MTO1: variants seen among roughly 807,000 people sequenced by gnomAD.
MTO1 encodes the protein mitochondrial tRNA translation optimization 1.
A neutral mutation model predicts 71.6 loss-of-function variants in MTO1; 46 were observed. The observed-to-expected ratio is 0.64, with a 90% CI of 0.51 to 0.82. The LOEUF (loss-of-function observed/expected upper bound fraction) is 0.82, where lower values mean the gene tolerates loss of function less well. Ranked by LOEUF, MTO1 falls within the 40% of genes least tolerant of loss-of-function variation. The probability of loss-of-function intolerance (pLI) is 0.00; values close to 1 mark genes in which losing one functional copy is unlikely to be tolerated. For missense variants in MTO1, 773 were observed against 867.5 expected (o/e 0.89, Z 1.37); for synonymous variants, 297 against 312.1 (o/e 0.95, Z 0.51).
intron 3 of MTO1, among the ~76,000 whole-genome samples, chr6:73,470,666 A>G (rs1314672496): frequency 6.6e-6 from 1 of 151,918 alleles, no homozygotes; most frequent in African/African-American, 2.4e-5. Flanking sequence ...GCTGGGCATT[A>G]TGGGCATTAT....
intron 10 of MTO1, among the ~76,000 whole-genome samples, chr6:73,496,578 C>G (rs1429930540): frequency 6.6e-6 from 1 of 150,694 alleles, no homozygotes; most frequent in Admixed American, 6.7e-5. Flanking sequence ...TGGTGTGCTG[C>G]ACCCATTAAC....
At chr6:73,493,634 G>A (rs1473982718) in intron 10 of MTO1, among the ~76,000 whole-genome samples, 2 of 151,248 alleles carry the variant, frequency 1.3e-5, no homozygotes. Flanking sequence ...CAGGTGATCC[G>A]CCCGCCTTGG....
Position 73,466,211 on chromosome 6 carries a change from C to A in MTO1, c.220C>A (p.Gln74Lys). 2 of 1,611,164 alleles carry A rather than the reference C, an allele frequency of 1.2e-6. No individual in the cohort carries two copies. Among genetic ancestry groups the A allele is most frequent in the South Asian group, 2.2e-5 (2 of 90,994 alleles). Residue 74 changes from glutamine (Q) to lysine (K), a missense_variant and splice_region_variant, in exon 2 of 12, where the codon CAG becomes AAG. Coordinates refer to ENST00000498286, the MANE Select transcript of MTO1 (RefSeq NM_012123.4). ...TTGTTTATGTCTATTATCTTTAGGTCAGATGTCATGTAATCCTTCCTTTGG... is the reference window on the plus strand; with the variant it reads ...TTGTTTATGTCTATTATCTTTAGGTAAGATGTCATGTAATCCTTCCTTTGG... ...LLTHRVDTIGQMSCNPSFGGI... is the reference protein window; with the variant it reads ...LLTHRVDTIGKMSCNPSFGGI...
intron 11 of MTO1, 148 bp from the exon 12 acceptor site, chr6:73,500,426 A>G (rs1303067668): frequency 1.7e-6 from 1 of 592,582 alleles, no homozygotes; most frequent in East Asian, 3.4e-5. Flanking sequence ...TATCTACTTT[A>G]CAAGGAAATA....
At chr6:73,493,168 G>T (rs1225532287) in intron 10 of MTO1, among the ~76,000 whole-genome samples, 1 of 151,136 alleles carries the variant, frequency 6.6e-6, no homozygotes, top group Non-Finnish European at 1.5e-5. Flanking sequence ...CTAATTTTTT[G>T]TATTTTTAGT....
intron 4 of MTO1, among the ~76,000 whole-genome samples, chr6:73,476,569 A>G (rs930124261): frequency 3.9e-5 from 6 of 152,094 alleles, no homozygotes; most frequent in African/African-American, 1.4e-4. Flanking sequence ...TACCATATTT[A>G]TCGCTATAGA....
chr6:73,477,169 G>C (rs1225979734), intron 4 of MTO1, among the ~76,000 whole-genome samples: 2 of 151,338 alleles, frequency 1.3e-5, no homozygotes, highest in African/African-American at 4.8e-5. Context: ...GCCAAGGCAG[G>C]TGGATCACTT....
rs746779765 is a variant in MTO1 at position 73,473,658 on chromosome 6, A to T, written c.825+4A>T. The T allele has an allele frequency of 6.3e-7, 1 of 1,594,782 alleles. No homozygotes were observed. The highest frequency in any genetic ancestry group is 1.7e-5 in the Admixed American group (1 of 58,256). ...CAATGAGACAGTATGGATTAAGGTA[A>T]GATACTTTACGAAAACCTGGCTTAC... On this transcript the variant is annotated splice_donor_region_variant and intron_variant, in intron 4 of 11. Transcript: ENST00000498286.
At position 73,462,202 on chromosome 6, in the gene MTO1, C is replaced by T. The variant is rs1770844169; in HGVS notation, c.217+131C>T. ...AGAATCCTACCTTCTGTGGTTTTAG[C>T]CTCGATCAGTGTCTCGCAAGGATCA... On this transcript the variant is annotated intron_variant, in intron 1 of 11. Transcript: ENST00000498286. 27 of 1,001,164 alleles carry T rather than the reference C, an allele frequency of 2.7e-5. No individual in the cohort carries two copies. The East Asian group carries it at 7.1e-4, about 26-fold the overall frequency. 62.0% of individuals were successfully genotyped at this position (1,001,164 alleles called of 1,614,324 possible). A position where few individuals can be genotyped will look rare whatever the true frequency, so the allele number is the denominator to read the frequency against.
At chr6:73,478,536 A>G (rs779127060) in intron 4 of MTO1, among the ~76,000 whole-genome samples, 8 of 152,176 alleles carry the variant, frequency 5.3e-5, no homozygotes, top group Non-Finnish European at 8.8e-5. Context: ...TATGCAAATT[A>G]TGATAACCCT....
intron 9 of MTO1, among the ~76,000 whole-genome samples, chr6:73,489,865 C>G (rs1288588316): frequency 4.6e-5 from 7 of 152,228 alleles, no homozygotes; most frequent in African/African-American, 1.7e-4. Flanking sequence ...AATCACCACA[C>G]TGCCTTCCAC....
intron 9 of MTO1, among the ~76,000 whole-genome samples, chr6:73,482,944 A>C (rs1771554562): frequency 6.6e-6 from 1 of 150,892 alleles, no homozygotes; most frequent in Non-Finnish European, 1.5e-5. Flanking sequence ...GGCGCCTGCC[A>C]CCGCGCCCGG....
At chr6:73,481,761 C>T (rs949196924) in intron 7 of MTO1, among the ~76,000 whole-genome samples, 2 of 152,036 alleles carry the variant, frequency 1.3e-5, no homozygotes, top group East Asian at 1.9e-4. Flanking sequence ...GGGGAAGACC[C>T]TGTCTCCGGA....
At position 73,482,078 on chromosome 6, in the gene MTO1, T is replaced by C. The variant is rs1452412401; in HGVS notation, c.1299T>C (p.Ser433=). Residue 433 remains serine, a synonymous_variant, in exon 8 of 12, where the codon AGT becomes AGC. Coordinates refer to ENST00000498286, the MANE Select transcript of MTO1 (RefSeq NM_012123.4). ...GAATCAACGCCAGTCTTCGGGTCAG[T>C]CGCAAGCCTCCCTTTGTGGTTAGCC... ...IAGINASLRV[S]RKPPFVVSRT... 1 of 1,614,158 alleles carries C rather than the reference T, an allele frequency of 6.2e-7. No homozygotes were observed. The highest frequency in any genetic ancestry group is 1.3e-5 in the African/African-American group (1 of 75,034).
chr6:73,497,893 G>T lies in MTO1; in HGVS notation c.1914G>T (p.Gln638His). ...VREKLHFSRPQTIGAASRIPG... is the reference protein window; with the variant it reads ...VREKLHFSRPHTIGAASRIPG... ...AGAAACTACATTTTAGTCGTCCACA[G>T]ACGGTAAGAAAATAGGCAGGAGAAT... Residue 638 changes from glutamine to histidine, a missense_variant, in exon 11 of 12, where the codon CAG becomes CAT. Coordinates refer to ENST00000498286, the MANE Select transcript of MTO1 (RefSeq NM_012123.4). 10 of 1,606,942 alleles carry T rather than the reference G, an allele frequency of 6.2e-6. No individual in the cohort carries two copies. Among genetic ancestry groups the T allele is most frequent in the Non-Finnish European group, 8.5e-6 (10 of 1,174,888 alleles).
chr6:73,476,172 G>A (rs575871132), intron 4 of MTO1, among the ~76,000 whole-genome samples: 60 of 150,594 alleles, frequency 4.0e-4, no homozygotes, highest in African/African-American at 1.3e-3. Flanking sequence ...AGACCAGTCT[G>A]GCCAACATGG....
intron 4 of MTO1, among the ~76,000 whole-genome samples, chr6:73,478,482 T>G (rs72960044): frequency 0.033 from 5,069 of 152,232 alleles, 297 homozygotes; most frequent in Admixed American, 0.15. Context: ...CTTCAAATAT[T>G]CTGTTACTTT....
At chr6:73,480,607 C>A in intron 6 of MTO1, 68 bp from the exon 7 acceptor site, 2 of 1,567,718 alleles carry the variant, frequency 1.3e-6, no homozygotes, top group Non-Finnish European at 1.8e-6. Flanking sequence ...AAGGGTAATG[C>A]TTGCATCTCT....
chr6:73,475,332 T>C (rs1490918115), intron 4 of MTO1, among the ~76,000 whole-genome samples: 1 of 151,394 alleles, frequency 6.6e-6, no homozygotes, highest in Non-Finnish European at 1.5e-5. Context: ...GCCCAACCTG[T>C]GGTGCAATGG....
Sources: allele counts gnomAD v4.1 joint callset (sites outside exome capture counted in the v4.1 genomes callset), GRCh38; gene constraint gnomAD v4.1.1; transcripts MANE v1.5; gene names NCBI Gene and HGNC (gene_info 2026-07-23, HGNC 2026-07-21).